GAL3ST2: variants seen among roughly 807,000 people sequenced by gnomAD.
GAL3ST2 encodes galactose-3-O-sulfotransferase 2.
In GAL3ST2, 16 loss-of-function variants were observed where a neutral mutation model predicts 12.9. That is an observed-to-expected ratio of 1.24 (90% confidence interval 0.84 to 1.88). GAL3ST2 has a LOEUF of 1.88. Ranked by LOEUF, GAL3ST2 falls within the 40% of genes most tolerant of loss-of-function variation. The pLI, the probability that GAL3ST2 is intolerant of heterozygous loss-of-function variation, is 0.00. For synonymous variants in GAL3ST2, 302 were observed against 273.9 expected, an observed-to-expected ratio of 1.10 and a Z score of -1.01; for missense variants, 639 against 571.8, an observed-to-expected ratio of 1.12 and a Z score of -1.20.
rs1699720408 is a variant in GAL3ST2, at chr2:241,793,232, G to A, written c.30-5833G>A. 6.6e-6 allele frequency among the ~76,000 whole-genome samples: 1 copy of A among 152,194 alleles called. No individual in the cohort carries two copies. The highest frequency in any genetic ancestry group is 1.5e-5 in the Non-Finnish European group (1 of 68,038). ...CCTCCCAAATCTGAGACAGGTCTCA[G>A]TTAATTTAGAAAGTTTATTTTGCCA... On this transcript the variant is annotated intron_variant, in intron 1 of 3. Coordinates refer to ENST00000192314, the MANE Select transcript of GAL3ST2 (RefSeq NM_022134.3). The surrounding 1 kb of genome is among the most constrained non-coding windows in gnomAD (Gnocchi z 4.7).
In GAL3ST2 at chr2:241,800,351, C is replaced by CACAGCCGCCGACCCAGGCT. The variant is rs1699826767; in HGVS notation, c.119+1197_119+1198insACAGCCGCCGACCCAGGCT. Among the ~76,000 whole-genome samples the CACAGCCGCCGACCCAGGCT allele has an allele frequency of 1.5e-5, 2 of 130,036 alleles. No individual in the cohort carries two copies. Among genetic ancestry groups the CACAGCCGCCGACCCAGGCT allele is most frequent in the African/African-American group, 5.6e-5 (2 of 35,774 alleles). 85.3% of individuals were successfully genotyped at this position (130,036 alleles called of 152,430 possible). ...CACAGCCGCCGACCCAGGCTGGGAGCGGGCACTTCGAGGGAGGGGGTGGGA... is the reference window on the plus strand; with the variant it reads ...CACAGCCGCCGACCCAGGCTGGGAGCACAGCCGCCGACCCAGGCTGGGCACTTCGAGGGAGGGGGTGGGA... On this transcript the variant is annotated intron_variant, in intron 2 of 3. Coordinates refer to ENST00000192314, the MANE Select transcript of GAL3ST2 (RefSeq NM_022134.3). The surrounding 1 kb of genome is among the most constrained non-coding windows in gnomAD (Gnocchi z 5.2).
chr2:241,783,162 A>C (rs1244793207), intron 1 of GAL3ST2, among the ~76,000 whole-genome samples: 2 of 152,054 alleles, frequency 1.3e-5, no homozygotes, highest in Admixed American at 1.3e-4. Flanking sequence ...CCACACAAAA[A>C]AAGTTTAATC....
intron 1 of GAL3ST2, among the ~76,000 whole-genome samples, chr2:241,782,838 T>A (rs982705317): frequency 1.3e-5 from 2 of 152,144 alleles, no homozygotes; most frequent in African/African-American, 2.4e-5. Context: ...GGAATAACCT[T>A]AATTTAAAAA....
At chr2:241,792,838 C>T (rs540038968) in intron 1 of GAL3ST2, among the ~76,000 whole-genome samples, 6 of 152,230 alleles carry the variant, frequency 3.9e-5, no homozygotes, top group African/African-American at 1.2e-4. Flanking sequence ...GCAAACCTGC[C>T]CCCCATTGTA....
At chr2:241,791,642 A>G (rs1699694729) in intron 1 of GAL3ST2, among the ~76,000 whole-genome samples, 1 of 152,196 alleles carries the variant, frequency 6.6e-6, no homozygotes, top group East Asian at 1.9e-4. Context: ...GGCTTTAAAA[A>G]AGTCTTATCT....
chr2:241,796,185 G>A (rs1218206393), intron 1 of GAL3ST2, among the ~76,000 whole-genome samples: 3 of 152,196 alleles, frequency 2.0e-5, no homozygotes, highest in African/African-American at 7.2e-5. Flanking sequence ...GGAGCTGGGG[G>A]TTCCGGTGTG....
chr2:241,799,747 C>T (rs1186645162), intron 2 of GAL3ST2, among the ~76,000 whole-genome samples: 3 of 152,202 alleles, frequency 2.0e-5, no homozygotes, highest in Non-Finnish European at 2.9e-5. Flanking sequence ...CCCTCTGGGC[C>T]GAGCTGCCAG....
In GAL3ST2 at chr2:241,793,683, ATGTG is replaced by A. The variant is rs576748791; in HGVS notation, c.30-5376_30-5373del. ...ATGTGTGTGTATGCACATATTGTGT[ATGTG>A]TGTGTATATGTGTATGTACGTATTG... On this transcript the variant is annotated intron_variant, in intron 1 of 3. Coordinates refer to ENST00000192314, the MANE Select transcript of GAL3ST2 (RefSeq NM_022134.3). The surrounding 1 kb of genome is among the most constrained non-coding windows in gnomAD (Gnocchi z 4.7). Among the ~76,000 whole-genome samples the A allele has an allele frequency of 1.3e-5, 2 of 149,522 alleles. No homozygotes were observed. Among genetic ancestry groups the A allele is most frequent in the African/African-American group, 5.0e-5 (2 of 40,252 alleles).
At chr2:241,797,737 G>C (rs1559417134) in intron 1 of GAL3ST2, among the ~76,000 whole-genome samples, 1 of 152,312 alleles carries the variant, frequency 6.6e-6, no homozygotes, top group East Asian at 1.9e-4. Context: ...GAAGAGTGAC[G>C]TTGCACTGGG....
At chr2:241,779,029 G>A (rs7423193) in intron 1 of GAL3ST2, among the ~76,000 whole-genome samples, 5,977 of 151,666 alleles carry the variant, frequency 0.039, 320 homozygotes, top group East Asian at 0.15. Context: ...CCTTTAGCTT[G>A]TAGTGATCTG....
chr2:241,803,961 A>G lies in GAL3ST2; in HGVS notation c.992A>G (p.His331Arg), dbSNP rs1455726008. ...CLQDGGALKN[H>R]TQIRDPRLRP... ...CAGGACGGCGGCGCGCTCAAGAACC[A>G]CACGCAGATCAGAGACCCGCGCCTG... The change falls in exon 4 of 4, where the codon CAC becomes CGC. Residue 331 changes from histidine to arginine, a missense_variant. Coordinates refer to ENST00000192314, the MANE Select transcript of GAL3ST2 (RefSeq NM_022134.3). 4 of 1,512,708 alleles carry G rather than the reference A, an allele frequency of 2.6e-6. No homozygotes were observed. The Admixed American group carries it at 6.6e-5, about 25-fold the overall frequency. 93.7% of individuals were successfully genotyped at this position (1,512,708 alleles called of 1,614,324 possible).
chr2:241,779,551 A>G (rs967764893), intron 1 of GAL3ST2, among the ~76,000 whole-genome samples: 3 of 149,052 alleles, frequency 2.0e-5, no homozygotes, highest in Non-Finnish European at 4.5e-5. Flanking sequence ...TTCATTTTTT[A>G]GCAGGTTGTG....
chr2:241,794,594 C>A (rs1030532758), intron 1 of GAL3ST2, among the ~76,000 whole-genome samples: 4 of 152,202 alleles, frequency 2.6e-5, no homozygotes, highest in African/African-American at 9.6e-5. Context: ...CTGGGCGCTC[C>A]CAGTGAGGCA....
chr2:241,802,157 A>G lies in GAL3ST2; in HGVS notation c.375+121A>G. ...AAGGCTTGGGGGCGGGGCGTGCAGA[A>G]GGCGGGTTGGGAGGGCCTGGGCCGC... On this transcript the variant is annotated intron_variant, in intron 3 of 3. Coordinates refer to ENST00000192314, the MANE Select transcript of GAL3ST2 (RefSeq NM_022134.3). This position sits in a 1 kb window ranked among gnomAD's most constrained non-coding sequence, Gnocchi z 4.8. 1.2e-6 allele frequency: 1 copy of G among 834,120 alleles called. No individual in the cohort carries two copies. Among genetic ancestry groups the G allele is most frequent in the Non-Finnish European group, 1.7e-6 (1 of 576,286 alleles). The allele number at this position is 834,120 out of a possible 1,614,324, so 51.7% of individuals were successfully genotyped here.
chr2:241,777,787 T>G (rs1699511193), intron 1 of GAL3ST2, among the ~76,000 whole-genome samples: 1 of 151,914 alleles, frequency 6.6e-6, no homozygotes, highest in Non-Finnish European at 1.5e-5. Context: ...CTGTGGACAT[T>G]GTGACCATAT....
chr2:241,782,705 C>A (rs957023390), intron 1 of GAL3ST2, among the ~76,000 whole-genome samples: 3 of 152,192 alleles, frequency 2.0e-5, no homozygotes, highest in Admixed American at 2.0e-4. Context: ...TCTACTGGGG[C>A]TTTAATTGCT....
intron 1 of GAL3ST2, among the ~76,000 whole-genome samples, chr2:241,777,518 G>T (rs958289513): frequency 2.6e-5 from 4 of 152,186 alleles, no homozygotes; most frequent in African/African-American, 9.7e-5. Flanking sequence ...TTGGAGGGGT[G>T]GTGGGTGTGG....
At chr2:241,780,789 C>CCT (rs1181392969) in intron 1 of GAL3ST2, among the ~76,000 whole-genome samples, 1 of 152,150 alleles carries the variant, frequency 6.6e-6, no homozygotes, top group African/African-American at 2.4e-5. Flanking sequence ...GTTGGGTGAT[C>CCT]CTCTCCTCTT....
At chr2:241,791,798 A>G (rs1699696006) in intron 1 of GAL3ST2, among the ~76,000 whole-genome samples, 1 of 152,220 alleles carries the variant, frequency 6.6e-6, no homozygotes, top group South Asian at 2.1e-4. Flanking sequence ...TTTAGTGAAA[A>G]TGGGAAACTG....
Sources: gnomAD v4.1 joint callset for allele counts (sites outside exome capture counted in the v4.1 genomes callset) on GRCh38, gnomAD v4.1.1 for gene constraint, Gnocchi (gnomAD v3.1) non-coding constraint, MANE v1.5 for transcripts, NCBI Gene and HGNC (gene_info 2026-07-23, HGNC 2026-07-21) for gene names.